PCDHA3: variants seen among roughly 807,000 people sequenced by gnomAD.
The protein encoded by PCDHA3 is protocadherin alpha 3, also known as protocadherin alpha-3.
Under a neutral mutation model 62.2 loss-of-function variants are expected in PCDHA3, and 41 were observed. The observed-to-expected ratio is 0.66, with a 90% CI of 0.51 to 0.86. The LOEUF is 0.86. PCDHA3 is among the 40% of genes least tolerant of loss of function. The pLI, the probability that PCDHA3 is intolerant of heterozygous loss-of-function variation, is 0.00. For missense variants in PCDHA3, 1,304 were observed against 1,241.2 expected, an observed-to-expected ratio of 1.05 and a Z score of -0.76; for synonymous variants, 640 against 555.4, an observed-to-expected ratio of 1.15 and a Z score of -2.14.
chr5:140,931,993 T>C (rs1350907359), intron 1 of PCDHA3, among the ~76,000 whole-genome samples: 8 of 152,090 alleles, frequency 5.3e-5, no homozygotes, highest in Admixed American at 3.3e-4. Context: ...GCTCAAATTC[T>C]AAGTTCTTTC....
At chr5:140,859,558 A>G (rs1554152480) in intron 1 of PCDHA3, 1 of 177,480 alleles carries the variant, frequency 5.6e-6, no homozygotes, top group African/African-American at 2.4e-5. Flanking sequence ...CCAAACACCA[A>G]TGCCATGAAT....
chr5:140,872,606 A>T (rs905903091), intron 1 of PCDHA3, among the ~76,000 whole-genome samples: 4 of 151,888 alleles, frequency 2.6e-5, no homozygotes, highest in Non-Finnish European at 4.4e-5. Context: ...TGAAAAAATA[A>T]TTTTTTTTGC....
Position 141,009,665 on chromosome 5 carries a change from G to T in PCDHA3, c.2581G>T (p.Gly861Cys). 6.2e-7 allele frequency: 1 copy of T among 1,614,022 alleles called. No individual in the cohort carries two copies. Among genetic ancestry groups the T allele is most frequent in the Non-Finnish European group, 8.5e-7 (1 of 1,180,006 alleles). The change falls in exon 4 of 4, where the codon GGT becomes TGT. Residue 861 changes from glycine to cysteine, a missense_variant. By Grantham distance (159) the Gly-to-Cys change is radical (BLOSUM62 -3). Transcript: ENST00000522353. The stretch of plus-strand genomic sequence containing the variant: ...AGAAGTGTCCCCTCCAGTCGGTGCG[G>T]GTGTCAACAGCAACAGCTGGACCTT... ...AGEVSPPVGA[G>C]VNSNSWTFKY...
intron 1 of PCDHA3, chr5:140,842,083 C>T (rs2150328949): frequency 1.3e-4 from 212 of 1,613,806 alleles, no homozygotes; most frequent in East Asian, 1.3e-3. Context: ...TATTCGAAAA[C>T]GCAGACAACG....
intron 3 of PCDHA3, among the ~76,000 whole-genome samples, chr5:140,987,510 C>A (rs1225122300): frequency 6.6e-6 from 1 of 152,184 alleles, no homozygotes; most frequent in Non-Finnish European, 1.5e-5. Flanking sequence ...ACCTCTGCCA[C>A]TCAGTAATTG....
Position 140,807,656 on chromosome 5 carries a change from G to A in PCDHA3, c.2394+4065G>A, listed in dbSNP as rs782156904. On this transcript the variant is annotated intron_variant, in intron 1 of 3. Coordinates refer to ENST00000522353, the MANE Select transcript of PCDHA3 (RefSeq NM_018906.3). ...TGACTCTCGGTTTCCACTAGAGGGC[G>A]CCTCGGATGCAGATATCGGGGAGAA... 6.8e-6 allele frequency: 11 copies of A among 1,614,200 alleles called. No homozygotes were observed. In the South Asian group the frequency reaches 1.2e-4, roughly 18 times the overall value.
chr5:140,807,807 A>C lies in PCDHA3; in HGVS notation c.2394+4216A>C, dbSNP rs1262793743. 1.9e-6 allele frequency: 3 copies of C among 1,614,166 alleles called. No individual in the cohort carries two copies. The East Asian group carries it at 6.7e-5, about 36-fold the overall frequency. ...TCTTTAGACAGAGAAGAAGCTCCGGAGATTTTTTTAGTGCTCACAGCCACT... is the reference window on the plus strand; with the variant it reads ...TCTTTAGACAGAGAAGAAGCTCCGGCGATTTTTTTAGTGCTCACAGCCACT... On this transcript the variant is annotated intron_variant, in intron 1 of 3. Coordinates refer to ENST00000522353, the MANE Select transcript of PCDHA3 (RefSeq NM_018906.3).
At chr5:140,879,844 C>A (rs1333807567) in intron 1 of PCDHA3, among the ~76,000 whole-genome samples, 1 of 152,194 alleles carries the variant, frequency 6.6e-6, no homozygotes, top group East Asian at 1.9e-4. Context: ...CTGTACCACT[C>A]CCATCTCAGC....
At chr5:140,982,380 C>A in intron 2 of PCDHA3, 95 bp from the exon 3 acceptor site, 1 of 1,577,206 alleles carries the variant, frequency 6.3e-7, no homozygotes, top group South Asian at 1.2e-5. Context: ...AGCTGCAGCC[C>A]TGGCTTCATA....
At chr5:140,959,281 G>T (rs1395135880) in intron 1 of PCDHA3, among the ~76,000 whole-genome samples, 2 of 152,044 alleles carry the variant, frequency 1.3e-5, no homozygotes, top group Admixed American at 1.3e-4. Context: ...GGAGCCTGAG[G>T]TGGGAGCATC....
At chr5:140,962,224 A>C (rs2095665980) in intron 1 of PCDHA3, among the ~76,000 whole-genome samples, 1 of 152,152 alleles carries the variant, frequency 6.6e-6, no homozygotes. Flanking sequence ...TTGAGGTTCA[A>C]GTTTCACTTA....
rs782325970 is a variant in PCDHA3, at chr5:140,802,197, T to A, written c.1000T>A (p.Cys334Ser). 7.4e-6 allele frequency: 12 copies of A among 1,614,228 alleles called. No homozygotes were observed. The Admixed American group carries it at 2.0e-4, about 27-fold the overall frequency. ...DKGNPPMSDH[C>S]TVLLEIVDIN... is the part of the protein sequence containing the mutation. ...AGGAAATCCCCCAATGTCAGATCAC[T>A]GCACAGTTCTACTCGAAATTGTGGA... Residue 334 changes from cysteine to serine, a missense_variant, in exon 1 of 4, where the codon TGC becomes AGC. Physicochemically the swap from Cys to Ser is moderately radical, Grantham distance 112. Coordinates refer to ENST00000522353, the MANE Select transcript of PCDHA3 (RefSeq NM_018906.3).
chr5:140,919,201 A>AT (rs1328020690), intron 1 of PCDHA3, among the ~76,000 whole-genome samples: 1 of 152,202 alleles, frequency 6.6e-6, no homozygotes. Flanking sequence ...TTTTGTCATT[A>AT]TAAAATGTCC....
chr5:140,974,534 G>A (rs929112962), intron 1 of PCDHA3, among the ~76,000 whole-genome samples: 4 of 151,974 alleles, frequency 2.6e-5, no homozygotes, highest in Admixed American at 1.3e-4. Flanking sequence ...TTTTTGAGAC[G>A]GAGTTTTGCT....
chr5:140,990,232 C>T (rs983376308), intron 3 of PCDHA3, among the ~76,000 whole-genome samples: 4 of 152,054 alleles, frequency 2.6e-5, no homozygotes, highest in Non-Finnish European at 4.4e-5. Flanking sequence ...TTGTAACTAG[C>T]GTTGTATTCC....
At chr5:140,969,057 T>G in intron 1 of PCDHA3, 2 of 1,614,162 alleles carry the variant, frequency 1.2e-6, no homozygotes, top group Non-Finnish European at 1.7e-6. Context: ...AACAACAATA[T>G]TGATGCCAGG....
At chr5:140,877,594 T>G (rs782719581) in intron 1 of PCDHA3, 110 of 1,613,680 alleles carry the variant, frequency 6.8e-5, no homozygotes, top group Non-Finnish European at 9.3e-5. Context: ...CTGTGCGGTG[T>G]CCAGCCTGCT....
At position 140,838,075 on chromosome 5, in the gene PCDHA3, A is replaced by AGTG. The variant is rs781914509; in HGVS notation, c.2394+34484_2394+34485insGTG. Among the ~76,000 whole-genome samples the AGTG allele has an allele frequency of 1.4e-3, 174 of 128,230 alleles. 2 individuals carry two copies. Among genetic ancestry groups the AGTG allele is most frequent in the Admixed American group, 2.8e-3 (34 of 12,302 alleles). 84.1% of individuals were successfully genotyped at this position (128,230 alleles called of 152,430 possible). ...GTTTTCCACTTTAAGTTATATATAT[A>AGTG]TAGTGTGTGTGTGTGTGTGTGTGTG... is the stretch of plus-strand genomic sequence containing the variant. On this transcript the variant is annotated intron_variant, in intron 1 of 3. Coordinates refer to ENST00000522353, the MANE Select transcript of PCDHA3 (RefSeq NM_018906.3).
At chr5:140,848,653 G>A (rs2150416159) in intron 1 of PCDHA3, 1 of 1,592,724 alleles carries the variant, frequency 6.3e-7, no homozygotes, top group Admixed American at 1.7e-5. Context: ...CAGGACCTGG[G>A]GCTGGAGCTG....
Sources: allele counts gnomAD v4.1 joint callset (sites outside exome capture counted in the v4.1 genomes callset), GRCh38; gene constraint gnomAD v4.1.1; transcripts MANE v1.5; gene names NCBI Gene and HGNC (gene_info 2026-07-23, HGNC 2026-07-21).